Variants in DCC observed in about 807,000 individuals in gnomAD.
DCC encodes netrin receptor DCC.
DCC carries 58 observed loss-of-function variants against 172.5 expected under a neutral mutation model. That is an observed-to-expected ratio of 0.34 (90% CI 0.27 to 0.42). DCC has a LOEUF of 0.42. Among genes scored for constraint, DCC ranks in the 10% least tolerant of loss-of-function variants. DCC has a pLI of 1.00. For missense variants in DCC, 1,740 were observed against 1,791.0 expected, an observed-to-expected ratio of 0.97 and a Z score of 0.51; for synonymous variants, 709 against 644.5, an observed-to-expected ratio of 1.10 and a Z score of -1.52.
intron 22 of DCC, among the ~76,000 whole-genome samples, chr18:53,440,072 T>A (rs886950565): frequency 6.6e-6 from 1 of 152,212 alleles, no homozygotes; most frequent in African/African-American, 2.4e-5. Flanking sequence ...GCCGTATTTT[T>A]CTTTTATGAT....
chr18:52,907,956 G>A (rs2145451785), intron 3 of DCC, among the ~76,000 whole-genome samples: 1 of 152,172 alleles, frequency 6.6e-6, no homozygotes, highest in African/African-American at 2.4e-5. Flanking sequence ...TAAGACACTG[G>A]CCTCATTTTG....
rs147785016 is a variant in DCC, at chr18:53,517,891, C to T, written c.4112-8726C>T. Reference sequence around the variant, plus strand: ...GAAATTCGATCACTTATGAGGGATGCCTGAGGCTATTGTGTCTGAGTAAAT... The same window carrying T: ...GAAATTCGATCACTTATGAGGGATGTCTGAGGCTATTGTGTCTGAGTAAAT... On this transcript the variant is annotated intron_variant, in intron 27 of 28. Transcript: ENST00000442544. 3.1e-3 allele frequency among the ~76,000 whole-genome samples: 478 copies of T among 152,162 alleles called. 1 individual carries two copies. The highest frequency in any genetic ancestry group is 0.01 in the African/African-American group (416 of 41,514).
intron 5 of DCC, among the ~76,000 whole-genome samples, chr18:53,007,965 A>G (rs537817415): frequency 1.3e-5 from 2 of 152,240 alleles, no homozygotes; most frequent in African/African-American, 4.8e-5. Context: ...GAAACCATTA[A>G]ATAATCACTT....
In DCC at chr18:52,921,705, A is replaced by AATAATAATAAT. The variant is rs1555682009; in HGVS notation, c.698-2001_698-2000insTAATAATAATA. Among the ~76,000 whole-genome samples, 8 of 146,902 alleles carry AATAATAATAAT rather than the reference A, an allele frequency of 5.4e-5. No homozygotes were observed. In the East Asian group the frequency reaches 6.0e-4, roughly 11 times the overall value. ...CAGAGAGGCTCCATCTCAAAAATAAAAATAATAATAATAATAATAATATAT... is the reference window on the plus strand; with the variant it reads ...CAGAGAGGCTCCATCTCAAAAATAAAATAATAATAATAATAATAATAATAATAATAATATAT... On this transcript the variant is annotated intron_variant, in intron 3 of 28. Coordinates refer to ENST00000442544, the MANE Select transcript of DCC (RefSeq NM_005215.4).
At chr18:52,777,262 G>A (rs1232986725) in intron 2 of DCC, among the ~76,000 whole-genome samples, 1 of 152,102 alleles carries the variant, frequency 6.6e-6, no homozygotes, top group Non-Finnish European at 1.5e-5. Flanking sequence ...AGTTGTGGAG[G>A]CCAGAAGTCT....
chr18:52,683,142 G>A (rs1378061135), intron 1 of DCC, among the ~76,000 whole-genome samples: 2 of 152,004 alleles, frequency 1.3e-5, no homozygotes, highest in Non-Finnish European at 1.5e-5. Context: ...TCTGAACTAG[G>A]AGTAATGAGG....
intron 1 of DCC, among the ~76,000 whole-genome samples, chr18:52,493,754 G>A (rs2030621485): frequency 6.6e-6 from 1 of 151,898 alleles, no homozygotes. Context: ...ATTAACATGG[G>A]ACTTTGATTT....
chr18:53,014,529 A>C (rs918415472), intron 5 of DCC, among the ~76,000 whole-genome samples: 3 of 145,508 alleles, frequency 2.1e-5, no homozygotes, highest in Non-Finnish European at 3.0e-5. Flanking sequence ...TATGAGTGAG[A>C]ACATGCAGTG....
chr18:52,708,627 C>T (rs1005256387), intron 1 of DCC, among the ~76,000 whole-genome samples: 1 of 152,024 alleles, frequency 6.6e-6, no homozygotes, highest in African/African-American at 2.4e-5. Context: ...AGTGGTGCAC[C>T]TGTCCCTGCG....
chr18:52,664,005 A>G (rs1382835710), intron 1 of DCC, among the ~76,000 whole-genome samples: 1 of 152,218 alleles, frequency 6.6e-6, no homozygotes, highest in Non-Finnish European at 1.5e-5. Context: ...TTTAGAAATA[A>G]GAGAAGAATT....
At chr18:53,274,747 T>C (rs972547636) in intron 12 of DCC, among the ~76,000 whole-genome samples, 2 of 152,166 alleles carry the variant, frequency 1.3e-5, no homozygotes, top group African/African-American at 4.8e-5. Context: ...CACTTCCTTT[T>C]AAAGCAAGCT....
At chr18:52,757,370 T>G (rs1203636898) in intron 2 of DCC, 3 of 152,190 alleles carry the variant, frequency 2.0e-5, no homozygotes, top group Admixed American at 6.5e-5. Flanking sequence ...CTCCTGGGGA[T>G]GAGGAATTAA....
intron 1 of DCC, among the ~76,000 whole-genome samples, chr18:52,422,472 T>C (rs1247166136): frequency 6.6e-6 from 1 of 152,218 alleles, no homozygotes; most frequent in Non-Finnish European, 1.5e-5. Flanking sequence ...TCTTCTGTAT[T>C]CAATCCCACT....
chr18:53,500,147 T>C (rs2046078702), intron 27 of DCC, among the ~76,000 whole-genome samples: 2 of 152,156 alleles, frequency 1.3e-5, no homozygotes, highest in South Asian at 2.1e-4. Context: ...CCCAATGCAG[T>C]ATTGATTTTA....
rs761657568 is a variant in DCC at position 52,951,454 on chromosome 18, T to A, written c.985+26084T>A. ...CCCTTGCCTCCCACCCCCCGACAGG[T>A]CCCGGTGTGTGATATTCTCCTCCCT... is the stretch of plus-strand genomic sequence containing the variant. On this transcript the variant is annotated intron_variant, in intron 5 of 28. Transcript: ENST00000442544. 3.4e-4 allele frequency among the ~76,000 whole-genome samples: 51 copies of A among 152,082 alleles called. 1 individual carries two copies. Among genetic ancestry groups the A allele is most frequent in the Admixed American group, 4.6e-4 (7 of 15,276 alleles).
intron 5 of DCC, among the ~76,000 whole-genome samples, chr18:52,972,057 A>G (rs2041038785): frequency 6.6e-6 from 1 of 152,198 alleles, no homozygotes; most frequent in Admixed American, 6.5e-5. Context: ...CTCTCTCAAA[A>G]TGATGTGGAT....
In DCC at chr18:52,457,047, GC is replaced by G. The variant is rs142413730; in HGVS notation, c.91+116170del. Among the ~76,000 whole-genome samples, 1,095 of 152,122 alleles carry G rather than the reference GC, an allele frequency of 7.2e-3. 9 individuals carry two copies. Among genetic ancestry groups the G allele is most frequent in the African/African-American group, 0.025 (1,028 of 41,502 alleles). On this transcript the variant is annotated intron_variant, in intron 1 of 28. Coordinates refer to ENST00000442544, the MANE Select transcript of DCC (RefSeq NM_005215.4). ...TTTATGGAAATGCAACACATGAAGAGCTTTTTGTATGAGCTTTTCATTTCTG... is the reference window on the plus strand; with the variant it reads ...TTTATGGAAATGCAACACATGAAGAGTTTTTGTATGAGCTTTTCATTTCTG...
chr18:52,996,540 T>C (rs956340207), intron 5 of DCC, among the ~76,000 whole-genome samples: 65 of 152,110 alleles, frequency 4.3e-4, no homozygotes, highest in Non-Finnish European at 1.6e-4. Flanking sequence ...TCCAGAAATT[T>C]TTCACCCTAA....
At chr18:52,816,339 C>T (rs12606370) in intron 2 of DCC, among the ~76,000 whole-genome samples, 8,382 of 152,218 alleles carry the variant, frequency 0.055, 245 homozygotes, top group African/African-American at 0.064. Context: ...CTCCAGTCAA[C>T]GAAAACATTC....
Sources: gnomAD v4.1 joint callset for allele counts (sites outside exome capture counted in the v4.1 genomes callset) on GRCh38, gnomAD v4.1.1 for gene constraint, MANE v1.5 for transcripts, NCBI Gene and HGNC (gene_info 2026-07-23, HGNC 2026-07-21) for gene names.